ANK2: variants seen among roughly 807,000 people sequenced by gnomAD.
The protein encoded by ANK2 is ankyrin-2.
In ANK2, 83 loss-of-function variants were observed where a neutral mutation model predicts 360.5. That is an observed-to-expected ratio of 0.23 (90% confidence interval 0.19 to 0.28). The LOEUF (loss-of-function observed/expected upper bound fraction) is 0.28. ANK2 is among the 10% of genes least tolerant of loss of function. The pLI is 1.00. For missense variants in ANK2, 4,201 were observed against 4,795.7 expected (o/e 0.88, Z 3.66); for synonymous variants, 1,740 against 1,759.5 (o/e 0.99, Z 0.28).
chr4:113,036,233 T>G (rs2061558724), intron 2 of ANK2, among the ~76,000 whole-genome samples: 2 of 148,486 alleles, frequency 1.3e-5, no homozygotes, highest in South Asian at 4.3e-4. Flanking sequence ...GCTTCATAGA[T>G]TCAAGGACTT....
the ANK2 span, among the ~76,000 whole-genome samples, chr4:112,741,562 C>T: frequency 3.3e-5 from 5 of 152,188 alleles, no homozygotes; most frequent in South Asian, 2.1e-4. Context: ...TCCATACAGA[C>T]GCCTAGTGTA....
At chr4:112,784,275 C>G in the ANK2 span, among the ~76,000 whole-genome samples, 1 of 151,462 alleles carries the variant, frequency 6.6e-6, no homozygotes, top group Non-Finnish European at 1.5e-5. Context: ...GCCTCGATCT[C>G]CCAGCCTTAA....
At chr4:112,842,724 G>C (rs2062394117) in intron 1 of ANK2, among the ~76,000 whole-genome samples, 1 of 152,188 alleles carries the variant, frequency 6.6e-6, no homozygotes, top group Non-Finnish European at 1.5e-5. Context: ...CTGCTGTGCG[G>C]CCCGCTTCCT....
At chr4:113,037,314 A>G (rs1445849106) in intron 2 of ANK2, among the ~76,000 whole-genome samples, 8 of 152,022 alleles carry the variant, frequency 5.3e-5, no homozygotes, top group Admixed American at 3.9e-4. Context: ...TTTAATTAGA[A>G]CAGCTTAAGG....
At chr4:112,961,052 A>G (rs1329600807) in intron 2 of ANK2, among the ~76,000 whole-genome samples, 1 of 150,898 alleles carries the variant, frequency 6.6e-6, no homozygotes, top group Non-Finnish European at 1.5e-5. Flanking sequence ...TAAACTATCT[A>G]AATAACTGTT....
At chr4:112,845,622 A>T (rs375099199) in intron 1 of ANK2, among the ~76,000 whole-genome samples, 1 of 152,248 alleles carries the variant, frequency 6.6e-6, no homozygotes, top group East Asian at 1.9e-4. Flanking sequence ...AACTGCAGGG[A>T]TGTGATAGAT....
chr4:112,927,119 A>C (rs981205800), intron 2 of ANK2, among the ~76,000 whole-genome samples: 24 of 152,312 alleles, frequency 1.6e-4, no homozygotes, highest in Middle Eastern at 3.4e-3. Context: ...CCATGATTCA[A>C]ATATCTCCAC....
At chr4:113,179,755 A>G (rs1004562432) in intron 2 of ANK2, among the ~76,000 whole-genome samples, 1 of 152,252 alleles carries the variant, frequency 6.6e-6, no homozygotes, top group Admixed American at 6.5e-5. Context: ...TGTTACAAAC[A>G]AGATTAACAT....
At chr4:112,922,020 A>C (rs746879111) in intron 2 of ANK2, among the ~76,000 whole-genome samples, 1 of 152,202 alleles carries the variant, frequency 6.6e-6, no homozygotes, top group Admixed American at 6.5e-5. Flanking sequence ...TAAATGAAGA[A>C]GTAGAACTGG....
Position 112,933,392 on chromosome 4 carries a change from A to T in ANK2, c.21+28878A>T, listed in dbSNP as rs191678969. Among the ~76,000 whole-genome samples, 3 of 152,198 alleles carry T rather than the reference A, an allele frequency of 2.0e-5. No individual in the cohort carries two copies. The South Asian group carries it at 6.2e-4, about 32-fold the overall frequency. On this transcript the variant is annotated intron_variant, in intron 2 of 30. Coordinates refer to the ANK2 transcript ENST00000503271. ...AGGTAGATATTCTGGTTTCTGATGC[A>T]CACTCTGTAGCTTTGGATATATCAC...
At chr4:113,337,230 C>T (rs914381057) in intron 31 of ANK2, among the ~76,000 whole-genome samples, 9 of 152,296 alleles carry the variant, frequency 5.9e-5, no homozygotes, top group African/African-American at 2.2e-4. Context: ...CCCAATAGTT[C>T]AAACCAAACT....
intron 31 of ANK2, among the ~76,000 whole-genome samples, chr4:113,338,984 G>A (rs2093934576): frequency 6.6e-6 from 1 of 152,174 alleles, no homozygotes; most frequent in Non-Finnish European, 1.5e-5. Context: ...GTCAGGAAGA[G>A]AACAGAAGGC....
intron 13 of ANK2, among the ~76,000 whole-genome samples, chr4:113,260,627 A>G (rs1425291579): frequency 6.6e-6 from 1 of 152,214 alleles, no homozygotes; most frequent in African/African-American, 2.4e-5. Flanking sequence ...ATTTTTATAT[A>G]TGACCCATGC....
the ANK2 span, among the ~76,000 whole-genome samples, chr4:112,795,769 TG>T: frequency 6.6e-6 from 1 of 150,460 alleles, no homozygotes; most frequent in East Asian, 2.0e-4. Flanking sequence ...CCCAAAGTGC[TG>T]GGATTACAGG....
At chr4:113,328,830 G>T (rs949126636) in intron 26 of ANK2, among the ~76,000 whole-genome samples, 2 of 152,152 alleles carry the variant, frequency 1.3e-5, no homozygotes, top group African/African-American at 4.8e-5. Flanking sequence ...AATGAGTTCT[G>T]TGTTCCGCTT....
intron 2 of ANK2, among the ~76,000 whole-genome samples, chr4:112,926,433 G>T (rs1036392309): frequency 3.9e-5 from 6 of 152,168 alleles, no homozygotes; most frequent in Non-Finnish European, 7.3e-5. Flanking sequence ...ACCATGCCAG[G>T]AATATGAGGG....
chr4:113,201,891 A>G (rs977406986), intron 4 of ANK2, among the ~76,000 whole-genome samples: 3 of 152,200 alleles, frequency 2.0e-5, no homozygotes, highest in East Asian at 3.9e-4. Context: ...GAAGGGTTGT[A>G]TCATTATTAA....
chr4:113,292,963 G>A (rs1189899276), intron 21 of ANK2: 3 of 351,938 alleles, frequency 8.5e-6, no homozygotes, highest in East Asian at 7.3e-5. Context: ...GATGCAGCCC[G>A]AATTGCTTGC....
At chr4:112,772,088 C>T in the ANK2 span, among the ~76,000 whole-genome samples, 1 of 152,058 alleles carries the variant, frequency 6.6e-6, no homozygotes, top group Non-Finnish European at 1.5e-5. Context: ...ATTCAATGTG[C>T]CAAGGTGTCT....
Sources: gnomAD v4.1 joint callset for allele counts (sites outside exome capture counted in the v4.1 genomes callset) on GRCh38, gnomAD v4.1.1 for gene constraint, MANE v1.5 for transcripts, NCBI Gene and HGNC (gene_info 2026-07-23, HGNC 2026-07-21) for gene names.